AOPEP: variants seen among roughly 807,000 people sequenced by gnomAD.
The protein encoded by AOPEP is aminopeptidase O.
Under a neutral mutation model 98.1 loss-of-function variants are expected in AOPEP, and 77 were observed. The observed-to-expected ratio is 0.78, with a 90% CI of 0.65 to 0.95. The LOEUF (loss-of-function observed/expected upper bound fraction) is 0.95. Among genes scored for constraint, AOPEP ranks in the 40% least tolerant of loss-of-function variants. The pLI, the probability that AOPEP is intolerant of heterozygous loss-of-function variation, is 0.00. For synonymous variants in AOPEP, 346 were observed against 365.3 expected (o/e 0.95, Z 0.60); for missense variants, 1,024 against 1,024.7 (o/e 1.00, Z 0.01).
chr9:94,855,341 T>A (rs2044049406), intron 5 of AOPEP, among the ~76,000 whole-genome samples: 1 of 151,648 alleles, frequency 6.6e-6, no homozygotes. Flanking sequence ...GCTTCCCAAA[T>A]TGCTGGGATT....
At chr9:95,128,909 CTTTT>C in the AOPEP span, among the ~76,000 whole-genome samples, 1 of 144,740 alleles carries the variant, frequency 6.9e-6, no homozygotes, top group African/African-American at 2.5e-5. Context: ...AACCAGTCTC[CTTTT>C]TTTTTTTTTT....
intron 14 of AOPEP, among the ~76,000 whole-genome samples, chr9:95,077,390 C>G (rs751675242): frequency 9.2e-5 from 14 of 152,204 alleles, no homozygotes; most frequent in South Asian, 8.3e-4. Context: ...CACAGGGAGG[C>G]CGGTCGCCCC....
intron 10 of AOPEP, among the ~76,000 whole-genome samples, chr9:94,973,557 GGA>G (rs1353114095): frequency 2.6e-5 from 4 of 152,204 alleles, no homozygotes; most frequent in Non-Finnish European, 4.4e-5. Flanking sequence ...CCGAGGAACT[GGA>G]GACCATTGAC....
chr9:95,144,186 G>A, the AOPEP span, among the ~76,000 whole-genome samples: 1 of 152,306 alleles, frequency 6.6e-6, no homozygotes, highest in Non-Finnish European at 1.5e-5. Context: ...GATCAGCCTC[G>A]CTGTGTCAAC....
At chr9:94,924,704 C>A (rs1485867626) in intron 6 of AOPEP, among the ~76,000 whole-genome samples, 1 of 152,120 alleles carries the variant, frequency 6.6e-6, no homozygotes, top group East Asian at 1.9e-4. Flanking sequence ...ATGGTGAGAA[C>A]TGTGGCAAAC....
intron 16 of AOPEP, among the ~76,000 whole-genome samples, chr9:95,084,491 C>T (rs555066089): frequency 3.3e-4 from 51 of 152,322 alleles, no homozygotes; most frequent in African/African-American, 1.1e-3. Context: ...ACCTCACTGC[C>T]GGCCTCATAA....
chr9:95,141,999 T>TC, the AOPEP span, among the ~76,000 whole-genome samples: 1 of 143,106 alleles, frequency 7.0e-6, no homozygotes, highest in Non-Finnish European at 1.5e-5. Flanking sequence ...TTTTTTTTTT[T>TC]TTTTTTTTTT....
chr9:94,924,273 C>T (rs1433395725), intron 6 of AOPEP, 98 bp downstream of exon 6: 2 of 993,082 alleles, frequency 2.0e-6, no homozygotes, highest in Non-Finnish European at 2.7e-6. Flanking sequence ...GCCTACTATG[C>T]ACTAGGCACA....
In AOPEP at chr9:94,930,832, A is replaced by AG. The variant is rs2055172493; in HGVS notation, c.1661+2306dup. ...GGCTGGTAACTGTAGGCTCTGTGAG[A>AG]GGGGGTGTGTTGGCCCAGGAAGCGA... On this transcript the variant is annotated intron_variant, in intron 7 of 16. Coordinates refer to ENST00000375315, the MANE Select transcript of AOPEP (RefSeq NM_001193329.3). The surrounding 1 kb of genome is among the most constrained non-coding windows in gnomAD (Gnocchi z 4.5). Among the ~76,000 whole-genome samples, 2 of 152,004 alleles carry AG rather than the reference A, an allele frequency of 1.3e-5. No individual in the cohort carries two copies. Among genetic ancestry groups the AG allele is most frequent in the South Asian group, 4.2e-4 (2 of 4,804 alleles).
intron 5 of AOPEP, among the ~76,000 whole-genome samples, chr9:94,822,886 C>T (rs375166488): frequency 6.6e-6 from 1 of 152,088 alleles, no homozygotes; most frequent in East Asian, 1.9e-4. Context: ...GTATCTCGCC[C>T]GTCTCCTAAG....
intron 13 of AOPEP, among the ~76,000 whole-genome samples, chr9:95,041,534 A>G (rs1174042985): frequency 6.6e-6 from 1 of 151,510 alleles, no homozygotes; most frequent in East Asian, 1.9e-4. Context: ...ATCTCACCAT[A>G]TGTGTTGAAT....
intron 13 of AOPEP, among the ~76,000 whole-genome samples, chr9:95,043,308 A>G (rs1365688979): frequency 6.6e-6 from 1 of 151,328 alleles, no homozygotes; most frequent in African/African-American, 2.4e-5. Flanking sequence ...ATGCACATAT[A>G]CAGATATATG....
chr9:94,962,730 C>CTTTTTTTTTT (rs3992777), intron 9 of AOPEP, among the ~76,000 whole-genome samples: 7 of 129,760 alleles, frequency 5.4e-5, no homozygotes, highest in East Asian at 2.2e-4. Context: ...ATATTATCAT[C>CTTTTTTTTTT]TTTTTTTTTT....
intron 14 of AOPEP, among the ~76,000 whole-genome samples, chr9:95,074,994 C>T (rs903859091): frequency 6.6e-6 from 1 of 152,214 alleles, no homozygotes; most frequent in Admixed American, 6.5e-5. Flanking sequence ...CTCACTGCCA[C>T]GGGCAGCTCT....
chr9:94,799,595 G>A (rs375532042), intron 4 of AOPEP, among the ~76,000 whole-genome samples: 47 of 152,214 alleles, frequency 3.1e-4, no homozygotes, highest in South Asian at 2.3e-3. Context: ...GGTTGCGGTG[G>A]TTCAAGCCTG....
intron 7 of AOPEP, among the ~76,000 whole-genome samples, chr9:94,945,653 T>C (rs796881150): frequency 2.0e-5 from 3 of 152,186 alleles, no homozygotes; most frequent in African/African-American, 7.2e-5. Context: ...CTTCTCCAGC[T>C]CCCACGGGCC....
chr9:94,801,764 G>A (rs988650709), intron 5 of AOPEP, among the ~76,000 whole-genome samples: 2 of 152,072 alleles, frequency 1.3e-5, no homozygotes, highest in African/African-American at 4.8e-5. Flanking sequence ...TTAATCATTA[G>A]CAGTGAATAT....
the AOPEP span, among the ~76,000 whole-genome samples, chr9:95,093,416 T>A: frequency 2.0e-5 from 3 of 152,194 alleles, no homozygotes; most frequent in African/African-American, 4.8e-5. Flanking sequence ...GGTGCAAGGA[T>A]CAGAGATGGC....
intron 5 of AOPEP, among the ~76,000 whole-genome samples, chr9:94,847,941 T>A (rs931430801): frequency 1.3e-5 from 2 of 152,224 alleles, no homozygotes; most frequent in Non-Finnish European, 2.9e-5. Context: ...GTGAGAAATC[T>A]TGGCGATAAA....
Sources: allele counts gnomAD v4.1 joint callset (sites outside exome capture counted in the v4.1 genomes callset), GRCh38; gene constraint gnomAD v4.1.1; non-coding constraint Gnocchi (gnomAD v3.1); transcripts MANE v1.5; gene names NCBI Gene and HGNC (gene_info 2026-07-23, HGNC 2026-07-21).